PRSS8: variants seen among roughly 807,000 people sequenced by gnomAD.
PRSS8 encodes prostasin.
In PRSS8, 11 loss-of-function variants were observed where a neutral mutation model predicts 26.7. That is an observed-to-expected ratio of 0.41 (90% CI 0.26 to 0.68). The LOEUF (loss-of-function observed/expected upper bound fraction) is 0.68. Ranked by LOEUF, PRSS8 falls within the 30% of genes least tolerant of loss-of-function variation. The probability of loss-of-function intolerance (pLI) is 0.30; values close to 1 mark genes in which losing one functional copy is unlikely to be tolerated. For missense variants in PRSS8, 362 were observed against 443.5 expected, an observed-to-expected ratio of 0.82 and a Z score of 1.65; for synonymous variants, 183 against 187.0, an observed-to-expected ratio of 0.98 and a Z score of 0.17.
Position 31,135,418 on chromosome 16 carries a change from C to T in PRSS8, c.81G>A (p.Gly27=). The change falls in exon 1 of 6, where the codon GGG becomes GGA. Residue 27 remains glycine (G), a synonymous_variant. Transcript: ENST00000317508. ...TGCCCCCACGTCCTCACTTACCTGT[C>T]CCCGACCGGAGTAATCCAAGATAGA... is the stretch of plus-strand genomic sequence containing the variant. The part of the protein sequence containing the change: ...ILLYLGLLRS[G]TGAEGAEAPC... 6.3e-7 allele frequency: 1 copy of T among 1,593,404 alleles called. No homozygotes were observed. The highest frequency in any genetic ancestry group is 8.5e-7 in the Non-Finnish European group (1 of 1,170,542).
Position 31,133,095 on chromosome 16 carries a change from T to G in PRSS8, c.266+131A>C. ...ATCATGTAACCTCTGACCCCTCACC[T>G]TCACTCCTAACTGGTCCTTCCAGAC... is the stretch of plus-strand genomic sequence containing the variant. On this transcript the variant is annotated intron_variant, in intron 3 of 5. Coordinates refer to ENST00000317508, the MANE Select transcript of PRSS8 (RefSeq NM_002773.5). This position sits in a 1 kb window ranked among gnomAD's most constrained non-coding sequence, Gnocchi z 4.7. The G allele has an allele frequency of 6.4e-7, 1 of 1,573,568 alleles. No homozygotes were observed. Among genetic ancestry groups the G allele is most frequent in the Admixed American group, 1.7e-5 (1 of 58,686 alleles).
Position 31,131,881 on chromosome 16 carries a change from G to A in PRSS8, c.*128C>T. ...GAATGGGCTCAAAGATCAAGATGGGGCCCCAGCCTCCCGCAGAGTCCTGAA... is the reference window on the plus strand; with the variant it reads ...GAATGGGCTCAAAGATCAAGATGGGACCCCAGCCTCCCGCAGAGTCCTGAA... On this transcript the variant is annotated 3_prime_UTR_variant, in exon 6 of 6. Coordinates refer to ENST00000317508, the MANE Select transcript of PRSS8 (RefSeq NM_002773.5). 8.8e-7 allele frequency: 1 copy of A among 1,134,634 alleles called. No homozygotes were observed. Among genetic ancestry groups the A allele is most frequent in the Non-Finnish European group, 1.2e-6 (1 of 827,430 alleles). 70.3% of individuals were successfully genotyped at this position (1,134,634 alleles called of 1,614,324 possible). A position where few individuals can be genotyped will look rare whatever the true frequency, so the allele number is the denominator to read the frequency against.
In PRSS8 at chr16:31,135,569, G is replaced by A; in HGVS notation, c.-71C>T. On this transcript the variant is annotated 5_prime_UTR_variant, in exon 1 of 6. Transcript: ENST00000317508. The stretch of plus-strand genomic sequence containing the variant: ...AGGAAGCCTTGGGGTGGTGTCGAAG[G>A]CAGGACCCAGATGTTGGCTCAGAGG... 1 of 1,273,582 alleles carries A rather than the reference G, an allele frequency of 7.9e-7. No homozygotes were observed. Among genetic ancestry groups the A allele is most frequent in the Non-Finnish European group, 1.1e-6 (1 of 933,668 alleles). 78.9% of individuals were successfully genotyped at this position (1,273,582 alleles called of 1,614,324 possible). A position where few individuals can be genotyped will look rare whatever the true frequency, so the allele number is the denominator to read the frequency against.
chr16:31,135,638 A>G lies in PRSS8; in HGVS notation c.-140T>C, dbSNP rs1329010832. ...GGCTGGAAAGGGGCAGCAAGTGTCC[A>G]AGGCTGGCCTCTAAGGCAGGGAGCG... On this transcript the variant is annotated 5_prime_UTR_variant, in exon 1 of 6. Coordinates refer to ENST00000317508, the MANE Select transcript of PRSS8 (RefSeq NM_002773.5). 1 of 748,202 alleles carries G rather than the reference A, an allele frequency of 1.3e-6. No homozygotes were observed. Among genetic ancestry groups the G allele is most frequent in the Non-Finnish European group, 2.2e-6 (1 of 462,988 alleles). The allele number at this position is 748,202 out of a possible 1,614,324, so 46.3% of individuals were successfully genotyped here. A position where few individuals can be genotyped will look rare whatever the true frequency, so the allele number is the denominator to read the frequency against.
Position 31,133,116 on chromosome 16 carries a change from C to T in PRSS8, c.266+110G>A. The T allele has an allele frequency of 1.3e-6, 2 of 1,584,736 alleles. No individual in the cohort carries two copies. The highest frequency in any genetic ancestry group is 1.7e-6 in the Non-Finnish European group (2 of 1,163,242). The stretch of plus-strand genomic sequence containing the variant: ...CACCTTCACTCCTAACTGGTCCTTC[C>T]AGACTTAGAACTGACACTCTCAGAC... On this transcript the variant is annotated intron_variant, in intron 3 of 5. Transcript: ENST00000317508. This position sits in a 1 kb window ranked among gnomAD's most constrained non-coding sequence, Gnocchi z 4.7.
intron 1 of PRSS8, 45 bp downstream of exon 1, chr16:31,135,369 C>T: frequency 6.4e-7 from 1 of 1,574,500 alleles, no homozygotes; most frequent in Non-Finnish European, 8.6e-7. Flanking sequence ...CACGCCGGCT[C>T]CCTCCAGTGC....
In PRSS8 at chr16:31,132,607, A is replaced by G; in HGVS notation, c.539-12T>C. 1 of 1,613,794 alleles carries G rather than the reference A, an allele frequency of 6.2e-7. No homozygotes were observed. ...CGTCAGGAGGCTCACTGTGGGGGTA[A>G]AAGAGGCTTACCCTGGGCCCCTCCC... is the stretch of plus-strand genomic sequence containing the variant. On this transcript the variant is annotated splice_polypyrimidine_tract_variant and intron_variant, in intron 4 of 5. Transcript: ENST00000317508. This position sits in a 1 kb window ranked among gnomAD's most constrained non-coding sequence, Gnocchi z 5.2.
Position 31,132,005 on chromosome 16 carries a change from C to A in PRSS8, c.*4G>T. ...GATGCATCCATCCTGGAAGTAGGGC[C>A]AGCTCAGTGCTCGCTGAGCCATGGG... On this transcript the variant is annotated 3_prime_UTR_variant, in exon 6 of 6. Coordinates refer to ENST00000317508, the MANE Select transcript of PRSS8 (RefSeq NM_002773.5). This position sits in a 1 kb window ranked among gnomAD's most constrained non-coding sequence, Gnocchi z 5.2. 1.9e-6 allele frequency: 3 copies of A among 1,550,686 alleles called. No individual in the cohort carries two copies. The highest frequency in any genetic ancestry group is 1.7e-6 in the Non-Finnish European group (2 of 1,146,886).
chr16:31,135,111 G>C, intron 2 of PRSS8, 43 bp downstream of exon 2: 1 of 1,605,652 alleles, frequency 6.2e-7, no homozygotes, highest in South Asian at 1.1e-5. Context: ...TCCGATCCAA[G>C]TCACCTCCCC....
Position 31,135,499 on chromosome 16 carries a change from G to C in PRSS8, c.-1C>G. 1 of 1,551,320 alleles carries C rather than the reference G, an allele frequency of 6.4e-7. No individual in the cohort carries two copies. Among genetic ancestry groups the C allele is most frequent in the Admixed American group, 2.1e-5 (1 of 47,874 alleles). On this transcript the variant is annotated 5_prime_UTR_variant, in exon 1 of 6. Coordinates refer to ENST00000317508, the MANE Select transcript of PRSS8 (RefSeq NM_002773.5). The stretch of plus-strand genomic sequence containing the variant: ...GCCCCAGGACCCCCTTCTGGGCCAT[G>C]GCCCAGGACAAGGGCCCCTGGGGCA...
rs530392204 is a variant in PRSS8, at chr16:31,132,247, C to T, written c.794G>A (p.Arg265His). ...CAGAGTGTACACACCAGGCCTGTTGCGGGCCCCACAGGCATCTCCCCAGCT... is the reference window on the plus strand; with the variant it reads ...CAGAGTGTACACACCAGGCCTGTTGTGGGCCCCACAGGCATCTCCCCAGCT... ...IVSWGDACGA[R>H]NRPGVYTLAS... Residue 265 changes from arginine (R) to histidine (H), a missense_variant, in exon 6 of 6, where the codon CGC becomes CAC. Physicochemically the swap from Arg to His is conservative, Grantham distance 29. Coordinates refer to ENST00000317508, the MANE Select transcript of PRSS8 (RefSeq NM_002773.5). This position sits in a 1 kb window ranked among gnomAD's most constrained non-coding sequence, Gnocchi z 5.2. 63 of 1,613,288 alleles carry T rather than the reference C, an allele frequency of 3.9e-5. No individual in the cohort carries two copies. The highest frequency in any genetic ancestry group is 1.6e-4 in the East Asian group (7 of 44,864).
In PRSS8 at chr16:31,133,279, A is replaced by G. The variant is rs775621668; in HGVS notation, c.213T>C (p.Gly71=). 2.5e-6 allele frequency: 4 copies of G among 1,613,980 alleles called. No individual in the cohort carries two copies. Among genetic ancestry groups the G allele is most frequent in the Non-Finnish European group, 3.4e-6 (4 of 1,179,892 alleles). Residue 71 remains glycine (G), a synonymous_variant, in exon 3 of 6, where the codon GGT becomes GGC. Transcript: ENST00000317508. The surrounding 1 kb of genome is among the most constrained non-coding windows in gnomAD (Gnocchi z 4.7). ...CCCACTGCTCAGACACGAGAGAGCC[A>G]CCACACACATGGACGCCTTCATAGG... The part of the protein sequence containing the change: ...SITYEGVHVC[G]GSLVSEQWVL...
chr16:31,134,928 T>C, intron 2 of PRSS8: 2 of 577,728 alleles, frequency 3.5e-6, no homozygotes, highest in South Asian at 4.6e-5. Flanking sequence ...ACTTTGGGAG[T>C]CAGACGTGGA....
Position 31,132,155 on chromosome 16 carries a change from T to G in PRSS8, c.886A>C (p.Thr296Pro), listed in dbSNP as rs530722276. ...TTGCTGTCGGGCTGGGACTCCTGGG[T>G]TTGGGGCACCACACGAGGCTGGAGT... The part of the protein sequence containing the change: ...TELQPRVVPQ[T>P]QESQPDSNLC... The change falls in exon 6 of 6, where the codon ACC becomes CCC. Residue 296 changes from threonine to proline, a missense_variant. Physicochemically the swap from Thr to Pro is conservative, Grantham distance 38. Transcript: ENST00000317508. The surrounding 1 kb of genome is among the most constrained non-coding windows in gnomAD (Gnocchi z 5.2). 6.2e-7 allele frequency: 1 copy of G among 1,613,774 alleles called. No individual in the cohort carries two copies.
Position 31,133,434 on chromosome 16 carries a change from T to G in PRSS8, c.104-46A>C. 6.2e-7 allele frequency: 1 copy of G among 1,605,930 alleles called. No individual in the cohort carries two copies. The highest frequency in any genetic ancestry group is 1.1e-5 in the South Asian group (1 of 90,560). On this transcript the variant is annotated intron_variant, in intron 2 of 5. Transcript: ENST00000317508. This position sits in a 1 kb window ranked among gnomAD's most constrained non-coding sequence, Gnocchi z 4.7. ...GGGGTCAGGTTGTTAGCCTGGCCAC[T>G]CCTATGCAGCCCAGGAGCTCTGATA...
chr16:31,135,518 TG>T lies in PRSS8; in HGVS notation c.-21del, dbSNP rs1286783371. On this transcript the variant is annotated 5_prime_UTR_variant, in exon 1 of 6. Coordinates refer to ENST00000317508, the MANE Select transcript of PRSS8 (RefSeq NM_002773.5). The stretch of plus-strand genomic sequence containing the variant: ...GGCCATGGCCCAGGACAAGGGCCCC[TG>T]GGGCAGACTCCAGGCACGCAAGGTA... The T allele has an allele frequency of 6.6e-7, 1 of 1,521,050 alleles. No individual in the cohort carries two copies. Among genetic ancestry groups the T allele is most frequent in the Non-Finnish European group, 8.8e-7 (1 of 1,136,338 alleles). The allele number at this position is 1,521,050 out of a possible 1,614,324, so 94.2% of individuals were successfully genotyped here.
rs565161402 is a variant in PRSS8 at position 31,133,777 on chromosome 16, C to T, written c.104-389G>A. 1.6e-4 allele frequency among the ~76,000 whole-genome samples: 25 copies of T among 152,326 alleles called. 1 individual carries two copies. The East Asian group carries it at 4.6e-3, about 28-fold the overall frequency. ...CTTCAGTTGTGTACATCAGGCCACACACTTGTTTACCCGGGACCTTGGCTG... is the reference window on the plus strand; with the variant it reads ...CTTCAGTTGTGTACATCAGGCCACATACTTGTTTACCCGGGACCTTGGCTG... On this transcript the variant is annotated intron_variant, in intron 2 of 5. Transcript: ENST00000317508. The surrounding 1 kb of genome is among the most constrained non-coding windows in gnomAD (Gnocchi z 4.7).
In PRSS8 at chr16:31,132,172, G is replaced by A. The variant is rs752334001; in HGVS notation, c.869C>T (p.Pro290Leu). The change falls in exon 6 of 6, where the codon CCT becomes CTT. Residue 290 changes from proline (P) to leucine (L), a missense_variant. Coordinates refer to ENST00000317508, the MANE Select transcript of PRSS8 (RefSeq NM_002773.5). The surrounding 1 kb of genome is among the most constrained non-coding windows in gnomAD (Gnocchi z 5.2). ...CTCCTGGGTTTGGGGCACCACACGA[G>A]GCTGGAGTTCTGTCACCTTGCTTTG... is the stretch of plus-strand genomic sequence containing the variant. ...WIQSKVTELQ[P>L]RVVPQTQESQ... 1.2e-6 allele frequency: 2 copies of A among 1,613,952 alleles called. No homozygotes were observed. The highest frequency in any genetic ancestry group is 8.5e-7 in the Non-Finnish European group (1 of 1,179,872).
chr16:31,134,514 A>G (rs1414004795), intron 2 of PRSS8: 1 of 152,672 alleles, frequency 6.5e-6, no homozygotes, highest in Non-Finnish European at 1.5e-5. Flanking sequence ...GTGCCTTCCA[A>G]GAAAGGAGAC....
Sources: gnomAD v4.1 joint callset for allele counts (sites outside exome capture counted in the v4.1 genomes callset) on GRCh38, gnomAD v4.1.1 for gene constraint, Gnocchi (gnomAD v3.1) non-coding constraint, MANE v1.5 for transcripts, NCBI Gene and HGNC (gene_info 2026-07-23, HGNC 2026-07-21) for gene names.